The following CFAP299 variants were observed in gnomAD, a reference collection of about 807,000 sequenced individuals.
CFAP299 encodes the protein cilia- and flagella-associated protein 299.
CFAP299 carries 21 observed loss-of-function variants against 27.0 expected under a neutral mutation model. That is an observed-to-expected ratio of 0.78 (90% confidence interval 0.55 to 1.12). CFAP299 has a LOEUF of 1.12. Among genes scored for constraint, CFAP299 ranks in the 50% most tolerant of loss-of-function variants. The probability of loss-of-function intolerance (pLI) is 0.00; values close to 1 mark genes in which losing one functional copy is unlikely to be tolerated. For missense variants in CFAP299, 310 were observed against 276.6 expected, an observed-to-expected ratio of 1.12 and a Z score of -0.86; for synonymous variants, 104 against 98.1, an observed-to-expected ratio of 1.06 and a Z score of -0.36.
At chr4:80,900,123 A>AGTGTGTGTGTGT (rs3038537) in intron 4 of CFAP299, among the ~76,000 whole-genome samples, 4,586 of 139,812 alleles carry the variant, frequency 0.033, 128 homozygotes, top group Middle Eastern at 0.078. Flanking sequence ...AGTGGAAGAA[A>AGTGTGTGTGTGT]GTGTGTGTGT....
chr4:80,645,529 C>T (rs1401965377), intron 3 of CFAP299, among the ~76,000 whole-genome samples: 1 of 151,860 alleles, frequency 6.6e-6, no homozygotes, highest in Non-Finnish European at 1.5e-5. Flanking sequence ...GTCAAGTTAT[C>T]CACACACACA....
chr4:80,366,007 C>G (rs1220665151), intron 2 of CFAP299, among the ~76,000 whole-genome samples: 1 of 152,218 alleles, frequency 6.6e-6, no homozygotes, highest in African/African-American at 2.4e-5. Flanking sequence ...TGCAGATCTT[C>G]TCTGGTTGCC....
chr4:80,449,975 T>C (rs1250319487), intron 2 of CFAP299, among the ~76,000 whole-genome samples: 1 of 152,194 alleles, frequency 6.6e-6, no homozygotes, highest in Non-Finnish European at 1.5e-5. Context: ...ACTTATTTTG[T>C]GCTCCAGTAA....
chr4:80,626,177 A>T (rs1456813108), intron 3 of CFAP299, among the ~76,000 whole-genome samples: 1 of 151,976 alleles, frequency 6.6e-6, no homozygotes, highest in East Asian at 1.9e-4. Context: ...TGAAGGTTGA[A>T]ATCATATCAA....
At chr4:80,380,752 G>C (rs989028660) in intron 2 of CFAP299, among the ~76,000 whole-genome samples, 3 of 152,078 alleles carry the variant, frequency 2.0e-5, no homozygotes, top group Admixed American at 1.3e-4. Flanking sequence ...TACTTCAGCT[G>C]TCTGCCTAAA....
intron 3 of CFAP299, among the ~76,000 whole-genome samples, chr4:80,735,606 T>C (rs1383297436): frequency 1.3e-5 from 2 of 152,174 alleles, no homozygotes; most frequent in African/African-American, 4.8e-5. Context: ...TTATAATATG[T>C]TCCTTCTATA....
chr4:80,426,435 C>A (rs1239592101), intron 2 of CFAP299, among the ~76,000 whole-genome samples: 1 of 151,976 alleles, frequency 6.6e-6, no homozygotes, highest in African/African-American at 2.4e-5. Flanking sequence ...TGTTCTTCAT[C>A]CTCAAGAAAA....
Position 80,466,942 on chromosome 4 carries a change from G to A in CFAP299, c.242+104058G>A, listed in dbSNP as rs766623179. ...GAAACTTGATGAAAGGTAATCTCAT[G>A]CCTCTCTGTCAATTACAGGGGAGAG... is the stretch of plus-strand genomic sequence containing the variant. On this transcript the variant is annotated intron_variant, in intron 2 of 5. Transcript: ENST00000358105. Among the ~76,000 whole-genome samples, 44 of 152,338 alleles carry A rather than the reference G, an allele frequency of 2.9e-4. 1 individual carries two copies. Among genetic ancestry groups the A allele is most frequent in the South Asian group, 1.2e-3 (6 of 4,822 alleles).
intron 2 of CFAP299, among the ~76,000 whole-genome samples, chr4:80,539,346 A>C (rs998530002): frequency 6.6e-6 from 1 of 152,186 alleles, no homozygotes; most frequent in Non-Finnish European, 1.5e-5. Flanking sequence ...TGCCACACAG[A>C]ACCACATGAG....
intron 3 of CFAP299, among the ~76,000 whole-genome samples, chr4:80,634,226 C>A (rs1560668963): frequency 6.6e-6 from 1 of 152,028 alleles, no homozygotes; most frequent in Non-Finnish European, 1.5e-5. Flanking sequence ...TCATGATCTG[C>A]CCGCCTCGGC....
At chr4:80,486,458 T>A (rs1253954409) in intron 2 of CFAP299, among the ~76,000 whole-genome samples, 1 of 152,240 alleles carries the variant, frequency 6.6e-6, no homozygotes, top group African/African-American at 2.4e-5. Flanking sequence ...GTTCTAGCCC[T>A]AATATTGAGT....
intron 2 of CFAP299, among the ~76,000 whole-genome samples, chr4:80,375,029 T>C (rs1442735611): frequency 1.3e-5 from 2 of 151,922 alleles, no homozygotes; most frequent in Non-Finnish European, 2.9e-5. Flanking sequence ...CTCTGGCAAA[T>C]TCAGTGCTAG....
intron 2 of CFAP299, among the ~76,000 whole-genome samples, chr4:80,463,981 T>C (rs1729584555): frequency 6.6e-6 from 1 of 152,200 alleles, no homozygotes; most frequent in African/African-American, 2.4e-5. Flanking sequence ...TTAAAACTGA[T>C]TTTAAATAGA....
At chr4:80,857,601 A>G (rs1264365151) in intron 3 of CFAP299, among the ~76,000 whole-genome samples, 1 of 152,204 alleles carries the variant, frequency 6.6e-6, no homozygotes, top group African/African-American at 2.4e-5. Flanking sequence ...ATTAATTGAG[A>G]GTTTTTAGCA....
intron 2 of CFAP299, among the ~76,000 whole-genome samples, chr4:80,579,444 C>T (rs1404070044): frequency 6.6e-6 from 1 of 152,072 alleles, no homozygotes; most frequent in Non-Finnish European, 1.5e-5. Flanking sequence ...GAAGGGGGAA[C>T]AGTGTCTGCC....
intron 3 of CFAP299, among the ~76,000 whole-genome samples, chr4:80,761,014 C>G (rs1439868245): frequency 8.5e-5 from 13 of 152,234 alleles, no homozygotes; most frequent in African/African-American, 2.9e-4. Flanking sequence ...CATTGATGAA[C>G]AAATTACTCT....
At chr4:80,475,804 A>T (rs1730247068) in intron 2 of CFAP299, among the ~76,000 whole-genome samples, 1 of 152,160 alleles carries the variant, frequency 6.6e-6, no homozygotes, top group Non-Finnish European at 1.5e-5. Context: ...CTAAGGAGAG[A>T]GGCTGAATTA....
Position 80,955,026 on chromosome 4 carries a change from A to C in CFAP299, c.607-8491A>C, listed in dbSNP as rs940104914. 6.8e-3 allele frequency among the ~76,000 whole-genome samples: 733 copies of C among 107,138 alleles called. 133 individuals carry two copies. Among genetic ancestry groups the C allele is most frequent in the African/African-American group, 0.023 (621 of 27,416 alleles). 70.3% of individuals were successfully genotyped at this position (107,138 alleles called of 152,430 possible). On this transcript the variant is annotated intron_variant, in intron 5 of 5. Transcript: ENST00000358105. ...AAAAAAAAAAAAAAAAAAAAAAAAAAAAAAAAAACGCACACATGGCCATAT... is the reference window on the plus strand; with the variant it reads ...AAAAAAAAAAAAAAAAAAAAAAAAACAAAAAAAACGCACACATGGCCATAT...
intron 3 of CFAP299, among the ~76,000 whole-genome samples, chr4:80,812,986 C>T (rs1729231971): frequency 6.6e-6 from 1 of 151,996 alleles, no homozygotes; most frequent in Non-Finnish European, 1.5e-5. Flanking sequence ...TTACAGCATT[C>T]TGTTAATCAA....
Sources: gnomAD v4.1 joint callset for allele counts (sites outside exome capture counted in the v4.1 genomes callset) on GRCh38, gnomAD v4.1.1 for gene constraint, MANE v1.5 for transcripts, NCBI Gene and HGNC (gene_info 2026-07-23, HGNC 2026-07-21) for gene names.